Variants in ANKRD18B observed in about 807,000 individuals in gnomAD.
ANKRD18B encodes ankyrin repeat domain-containing protein 18B.
Under a neutral mutation model 111.8 loss-of-function variants are expected in ANKRD18B, and 75 were observed. The observed-to-expected ratio is 0.67, with a 90% CI of 0.56 to 0.81. The LOEUF (loss-of-function observed/expected upper bound fraction) is 0.81. Ranked by LOEUF, ANKRD18B falls within the 40% of genes least tolerant of loss-of-function variation. The pLI is 0.00. For missense variants in ANKRD18B, 1,038 were observed against 1,225.5 expected, an observed-to-expected ratio of 0.85 and a Z score of 2.28; for synonymous variants, 356 against 417.3, an observed-to-expected ratio of 0.85 and a Z score of 1.79.
chr9:33,548,253 G>T lies in ANKRD18B; in HGVS notation c.1465G>T (p.Glu489Ter). The part of the protein sequence containing the change: ...EKHNKERLEA[E>*]VESLHSNLAT... ...ACACAACAAAGAAAGACTAGAAGCT[G>T]AAGTTGAATCCCTCCATTCTAACTT... Residue 489 changes from glutamate (E) to a stop codon, truncating the protein, a stop_gained, in exon 11 of 19, where the codon GAA becomes TAA. Coordinates refer to ENST00000684830, the MANE Select transcript of ANKRD18B (RefSeq NM_001393611.1). LOFTEE classifies it high-confidence loss of function. 6.4e-7 allele frequency: 1 copy of T among 1,551,162 alleles called. No individual in the cohort carries two copies. The highest frequency in any genetic ancestry group is 8.7e-7 in the Non-Finnish European group (1 of 1,146,674).
chr9:33,536,975 T>A, intron 6 of ANKRD18B, 30 bp downstream of exon 6: 1 of 1,433,872 alleles, frequency 7.0e-7, no homozygotes, highest in Non-Finnish European at 9.3e-7. Flanking sequence ...ATTTCTCATT[T>A]CCCTTGGTGA....
chr9:33,561,545 C>T (rs1828606502), intron 14 of ANKRD18B, among the ~76,000 whole-genome samples: 1 of 152,172 alleles, frequency 6.6e-6, no homozygotes, highest in African/African-American at 2.4e-5. Flanking sequence ...TTTTGAAGTT[C>T]ATTGAATCCA....
chr9:33,565,065 G>A (rs1446652022), intron 14 of ANKRD18B, among the ~76,000 whole-genome samples: 1 of 152,120 alleles, frequency 6.6e-6, no homozygotes, highest in Admixed American at 6.5e-5. Context: ...CTATGCTTCT[G>A]ATGTCTTACC....
chr9:33,535,567 A>G (rs1288079983), intron 5 of ANKRD18B, among the ~76,000 whole-genome samples: 1 of 151,324 alleles, frequency 6.6e-6, no homozygotes, highest in Non-Finnish European at 1.5e-5. Context: ...GATTACAGGC[A>G]TGAGCCACCA....
chr9:33,572,312 C>A lies in ANKRD18B; in HGVS notation c.3224-4C>A. On this transcript the variant is annotated splice_polypyrimidine_tract_variant and splice_region_variant and intron_variant, in intron 18 of 18. Coordinates refer to ENST00000684830, the MANE Select transcript of ANKRD18B (RefSeq NM_001393611.1). ...AGAACATAATCCTTTCTTTTTCTTT[C>A]CAGCTTTTGCTGCGTTGGGCCCTTG... The A allele has an allele frequency of 1.2e-6, 2 of 1,606,796 alleles. No homozygotes were observed. The highest frequency in any genetic ancestry group is 1.7e-6 in the Non-Finnish European group (2 of 1,175,148).
At chr9:33,565,598 G>C (rs1321939735) in intron 14 of ANKRD18B, among the ~76,000 whole-genome samples, 6 of 152,010 alleles carry the variant, frequency 3.9e-5, no homozygotes, top group Non-Finnish European at 8.8e-5. Flanking sequence ...CAACTAGCTG[G>C]GTCTACAGGC....
intron 9 of ANKRD18B, among the ~76,000 whole-genome samples, chr9:33,541,437 T>A (rs1828278083): frequency 6.6e-6 from 1 of 152,196 alleles, no homozygotes; most frequent in Non-Finnish European, 1.5e-5. Context: ...GAACGGTGGC[T>A]CCTGCCTGTA....
chr9:33,525,014 CCT>C (rs1803150494), intron 1 of ANKRD18B, among the ~76,000 whole-genome samples: 1 of 152,140 alleles, frequency 6.6e-6, no homozygotes, highest in Admixed American at 6.5e-5. Context: ...CAGATAAAAC[CCT>C]GTGTCGGTTT....
chr9:33,557,503 G>A (rs1226513580), intron 13 of ANKRD18B, among the ~76,000 whole-genome samples: 1 of 152,062 alleles, frequency 6.6e-6, no homozygotes, highest in South Asian at 2.1e-4. Context: ...AAACTGTATG[G>A]TTAGGCCAGG....
intron 12 of ANKRD18B, among the ~76,000 whole-genome samples, chr9:33,551,875 C>A (rs1828452056): frequency 2.0e-5 from 3 of 152,202 alleles, no homozygotes; most frequent in Admixed American, 6.5e-5. Context: ...ACCTGACAGG[C>A]AATGTCCTCT....
intron 18 of ANKRD18B, 188 bp from the exon 19 acceptor site, chr9:33,572,128 A>G: frequency 3.5e-6 from 2 of 577,760 alleles, no homozygotes; most frequent in East Asian, 3.0e-5. Flanking sequence ...AAAAGCTGTG[A>G]TATTTAACCA....
chr9:33,546,259 G>A (rs1828353989), intron 10 of ANKRD18B, among the ~76,000 whole-genome samples: 1 of 152,096 alleles, frequency 6.6e-6, no homozygotes, highest in Non-Finnish European at 1.5e-5. Flanking sequence ...TGTTTAATAT[G>A]CTTTCATGCA....
intron 5 of ANKRD18B, among the ~76,000 whole-genome samples, chr9:33,535,716 TA>T (rs1828187987): frequency 6.8e-6 from 1 of 146,954 alleles, no homozygotes; most frequent in East Asian, 1.9e-4. Flanking sequence ...TTTTTATATT[TA>T]TATTATTTTA....
At chr9:33,542,171 A>C (rs1587263810) in intron 9 of ANKRD18B, among the ~76,000 whole-genome samples, 1 of 150,212 alleles carries the variant, frequency 6.7e-6, no homozygotes, top group Non-Finnish European at 1.5e-5. Context: ...AGTAAAATAA[A>C]GACTGTCTAC....
At chr9:33,527,697 T>TG (rs2117966274) in intron 1 of ANKRD18B, among the ~76,000 whole-genome samples, 1 of 152,320 alleles carries the variant, frequency 6.6e-6, no homozygotes, top group African/African-American at 2.4e-5. Flanking sequence ...TCTTTCCCCA[T>TG]GGTACTTTTA....
In ANKRD18B at chr9:33,524,574, CA is replaced by C. The variant is rs1437436310; in HGVS notation, c.86del (p.His29ProfsTer26). On this transcript the variant is annotated frameshift_variant, in exon 1 of 19. Coordinates refer to ENST00000684830, the MANE Select transcript of ANKRD18B (RefSeq NM_001393611.1). LOFTEE classifies it high-confidence loss of function. ...CCAAGAGTATGCGGGTCGGGGGTAC[CA>C]CATTCGGGACTGGGAACTGCGGAAG... ...MDQEYAGRGY[H>X]IRDWELRKIH... 6.4e-6 allele frequency: 10 copies of C among 1,551,372 alleles called. No individual in the cohort carries two copies. Among genetic ancestry groups the C allele is most frequent in the Non-Finnish European group, 8.7e-7 (1 of 1,146,844 alleles).
At chr9:33,572,275 T>C in intron 18 of ANKRD18B, 41 bp from the exon 19 acceptor site, 1 of 1,483,996 alleles carries the variant, frequency 6.7e-7, no homozygotes, top group Non-Finnish European at 9.4e-7. Flanking sequence ...TTAACTGAAA[T>C]GTTTTAGGTA....
chr9:33,548,365 A>G lies in ANKRD18B; in HGVS notation c.1577A>G (p.His526Arg). The change falls in exon 11 of 19, where the codon CAT becomes CGT. Residue 526 changes from histidine to arginine, a missense_variant. Transcript: ENST00000684830. The part of the protein sequence containing the change: ...VLWRADDVSR[H>R]ETMGSNISQL... ...TGGAGAGCAGATGATGTTTCTAGAC[A>G]TGAAACAATGGGTTCTAATATTTCT... 6.5e-7 allele frequency: 1 copy of G among 1,550,272 alleles called. No individual in the cohort carries two copies. Among genetic ancestry groups the G allele is most frequent in the Non-Finnish European group, 8.7e-7 (1 of 1,146,360 alleles).
In ANKRD18B at chr9:33,558,269, TG is replaced by T. The variant is rs1828556362; in HGVS notation, c.2460+83del. 1.3e-5 allele frequency: 19 copies of T among 1,453,296 alleles called. No homozygotes were observed. The South Asian group carries it at 2.5e-4, about 19-fold the overall frequency. The allele number at this position is 1,453,296 out of a possible 1,614,324, so 90.0% of individuals were successfully genotyped here. On this transcript the variant is annotated intron_variant, in intron 14 of 18. Transcript: ENST00000684830. Reference sequence around the variant, plus strand: ...CAGGTTTGTTACATAGGTAAATGTGTGCCATGATGGTTTGCTGCACGTATCA... The same window carrying T: ...CAGGTTTGTTACATAGGTAAATGTGTCCATGATGGTTTGCTGCACGTATCA...
Sources: allele counts gnomAD v4.1 joint callset (sites outside exome capture counted in the v4.1 genomes callset), GRCh38; gene constraint gnomAD v4.1.1; transcripts MANE v1.5; gene names NCBI Gene and HGNC (gene_info 2026-07-23, HGNC 2026-07-21).